The following CCDC102B variants were observed in gnomAD, a reference collection of about 807,000 sequenced individuals.
The protein encoded by CCDC102B is coiled-coil domain-containing protein 102B.
CCDC102B carries 75 observed loss-of-function variants against 57.4 expected under a neutral mutation model. The ratio of observed to expected loss-of-function variants is 1.31; its 90% CI spans 1.08 to 1.58. The LOEUF is 1.58. Among genes scored for constraint, CCDC102B ranks in the 40% most tolerant of loss-of-function variants. The pLI, the probability that CCDC102B is intolerant of heterozygous loss-of-function variation, is 0.00. For missense variants in CCDC102B, 636 were observed against 582.6 expected (o/e 1.09, Z -0.94); for synonymous variants, 206 against 201.9 (o/e 1.02, Z -0.17).
chr18:68,998,590 C>CAGT (rs374545117), intron 6 of CCDC102B, among the ~76,000 whole-genome samples: 3 of 151,454 alleles, frequency 2.0e-5, no homozygotes, highest in Admixed American at 1.3e-4. Context: ...GTACCAAAAC[C>CAGT]CCCAAAGTAG....
chr18:68,744,909 A>G (rs1051949150), intron 2 of CCDC102B, among the ~76,000 whole-genome samples: 1 of 152,208 alleles, frequency 6.6e-6, no homozygotes, highest in Admixed American at 6.5e-5. Flanking sequence ...CTGGGGATGC[A>G]ATCCAGTCAA....
At chr18:68,907,012 A>G (rs1270676222) in intron 6 of CCDC102B, among the ~76,000 whole-genome samples, 1 of 151,954 alleles carries the variant, frequency 6.6e-6, no homozygotes, top group Admixed American at 6.6e-5. Context: ...CACATTCATC[A>G]TTTTCCATGT....
chr18:69,032,569 G>A (rs909011875), intron 7 of CCDC102B, among the ~76,000 whole-genome samples: 6 of 152,106 alleles, frequency 3.9e-5, no homozygotes, highest in Non-Finnish European at 8.8e-5. Flanking sequence ...ACATCTTGAT[G>A]AGACTATTCT....
At chr18:68,883,242 A>C (rs2039756319) in intron 5 of CCDC102B, among the ~76,000 whole-genome samples, 1 of 151,990 alleles carries the variant, frequency 6.6e-6, no homozygotes, top group East Asian at 1.9e-4. Context: ...CCCAGTGTCT[A>C]CTAAAAAAAA....
intron 5 of CCDC102B, among the ~76,000 whole-genome samples, chr18:68,895,208 C>G (rs2040202453): frequency 6.6e-6 from 1 of 151,742 alleles, no homozygotes; most frequent in South Asian, 2.1e-4. Context: ...AAATGTCAAA[C>G]TACATCATCT....
intron 2 of CCDC102B, among the ~76,000 whole-genome samples, chr18:68,778,532 CT>C (rs1176066857): frequency 6.6e-6 from 1 of 151,862 alleles, no homozygotes; most frequent in Non-Finnish European, 1.5e-5. Flanking sequence ...CAGGTCAAAT[CT>C]TTTTTTTAAA....
In CCDC102B at chr18:68,965,614, T is replaced by TTA. The variant is rs752795587; in HGVS notation, c.1264-45307_1264-45306dup. ...ACCCTAGAACTGAAAGTATAAAAAA[T>TTA]TATATATATATATAAAAAACCAGTC... On this transcript the variant is annotated intron_variant, in intron 6 of 7. Transcript: ENST00000360242. Among the ~76,000 whole-genome samples the TTA allele has an allele frequency of 2.3e-3, 354 of 150,744 alleles. 1 individual carries two copies. The highest frequency in any genetic ancestry group is 3.5e-3 in the Non-Finnish European group (238 of 67,560).
downstream of CCDC102B, among the ~76,000 whole-genome samples, chr18:69,056,825 G>T (rs954393197): frequency 2.0e-5 from 3 of 151,980 alleles, no homozygotes; most frequent in Non-Finnish European, 4.4e-5. Flanking sequence ...GTAGTGTTAA[G>T]TATAGCCAGT....
At chr18:68,829,108 A>C (rs890033581) in intron 1 of CCDC102B, among the ~76,000 whole-genome samples, 21 of 151,742 alleles carry the variant, frequency 1.4e-4, no homozygotes, top group African/African-American at 5.1e-4. Flanking sequence ...AATTTGGAGG[A>C]GCTGGGCTTT....
At chr18:68,774,169 A>G (rs1223581014) in intron 2 of CCDC102B, among the ~76,000 whole-genome samples, 1 of 151,972 alleles carries the variant, frequency 6.6e-6, no homozygotes, top group African/African-American at 2.4e-5. Flanking sequence ...TCAATGGGAA[A>G]TGATATTTTG....
At chr18:68,775,855 T>C (rs1420838368) in intron 2 of CCDC102B, among the ~76,000 whole-genome samples, 1 of 152,080 alleles carries the variant, frequency 6.6e-6, no homozygotes, top group East Asian at 1.9e-4. Flanking sequence ...GGTTTCACCA[T>C]GTTGGCCAGG....
intron 6 of CCDC102B, among the ~76,000 whole-genome samples, chr18:69,001,613 G>A (rs1343890911): frequency 6.6e-6 from 1 of 152,186 alleles, no homozygotes; most frequent in Non-Finnish European, 1.5e-5. Context: ...CCTCCCCGAT[G>A]CAAACAGTGT....
At chr18:68,721,818 C>G (rs924079427) in intron 2 of CCDC102B, among the ~76,000 whole-genome samples, 4 of 152,166 alleles carry the variant, frequency 2.6e-5, no homozygotes, top group Admixed American at 2.0e-4. Flanking sequence ...ATTCCAGTTT[C>G]TTGTTGTTGC....
At chr18:68,835,873 T>A (rs2037344450) in intron 1 of CCDC102B, among the ~76,000 whole-genome samples, 1 of 152,194 alleles carries the variant, frequency 6.6e-6, no homozygotes. Context: ...ATGGGAAATC[T>A]TCTCAGTACC....
In CCDC102B at chr18:68,747,669, T is replaced by A. The variant is rs115998751; in HGVS notation, c.-67+31075T>A. 8.7e-3 allele frequency among the ~76,000 whole-genome samples: 1,327 copies of A among 152,244 alleles called. 25 individuals are homozygous for A. The highest frequency in any genetic ancestry group is 0.03 in the African/African-American group (1,255 of 41,556). On this transcript the variant is annotated intron_variant, in intron 2 of 3. Coordinates refer to the CCDC102B transcript ENST00000578970. Reference sequence around the variant, plus strand: ...TGCACTTAGCATAATGTACTCCAGGTTCATCCAAGTTGTCACATATGGCAG... The same window carrying A: ...TGCACTTAGCATAATGTACTCCAGGATCATCCAAGTTGTCACATATGGCAG...
intron 4 of CCDC102B, among the ~76,000 whole-genome samples, chr18:68,849,688 G>A (rs1040897511): frequency 1.3e-5 from 2 of 152,114 alleles, no homozygotes; most frequent in Non-Finnish European, 2.9e-5. Flanking sequence ...GCAGTCCAAG[G>A]AAGTCCACAT....
chr18:68,887,210 G>A (rs1248898357), intron 5 of CCDC102B, among the ~76,000 whole-genome samples: 5 of 152,050 alleles, frequency 3.3e-5, no homozygotes, highest in Non-Finnish European at 7.4e-5. Context: ...TTCTCCCGTC[G>A]ATTTTACTTT....
intron 2 of CCDC102B, chr18:68,721,543 A>C (rs1389396140): frequency 6.6e-6 from 1 of 152,208 alleles, no homozygotes; most frequent in African/African-American, 2.4e-5. Flanking sequence ...AAAATAAAAA[A>C]ATAAGATTCC....
chr18:68,739,632 C>T (rs9960710), intron 2 of CCDC102B, among the ~76,000 whole-genome samples: 17,690 of 152,174 alleles, frequency 0.12, 1,205 homozygotes, highest in African/African-American at 0.18. Flanking sequence ...TTGTCCATGA[C>T]GTCACTTGGT....
Sources: gnomAD v4.1 joint callset for allele counts (sites outside exome capture counted in the v4.1 genomes callset) on GRCh38, gnomAD v4.1.1 for gene constraint, MANE v1.5 for transcripts, NCBI Gene and HGNC (gene_info 2026-07-23, HGNC 2026-07-21) for gene names.